The following GMEB1 variants were observed in gnomAD, a reference collection of about 807,000 sequenced individuals.
GMEB1 encodes the protein glucocorticoid modulatory element-binding protein 1.
In GMEB1, 6 loss-of-function variants were observed where a neutral mutation model predicts 52.4. The ratio of observed to expected loss-of-function variants is 0.11; its 90% CI spans 0.06 to 0.23. The LOEUF (loss-of-function observed/expected upper bound fraction) is 0.23. GMEB1 is among the 10% of genes least tolerant of loss of function. GMEB1 has a pLI of 1.00. For synonymous variants in GMEB1, 255 were observed against 244.9 expected (o/e 1.04, Z -0.38); for missense variants, 486 against 685.6 (o/e 0.71, Z 3.25).
At chr1:28,710,470 G>A in intron 8 of GMEB1, 50 bp from the exon 9 acceptor site, 1 of 1,470,128 alleles carries the variant, frequency 6.8e-7, no homozygotes, top group Non-Finnish European at 9.1e-7. Context: ...ATGGAGAGTG[G>A]TGGAACATAT....
chr1:28,696,390 TTTG>T (rs532729499), intron 5 of GMEB1, among the ~76,000 whole-genome samples: 3 of 152,090 alleles, frequency 2.0e-5, no homozygotes, highest in Non-Finnish European at 4.4e-5. Context: ...AACTTTGAGT[TTTG>T]TTGTTCTTGG....
At chr1:28,669,042 TGGG>T (rs1401276251) in intron 1 of GMEB1, among the ~76,000 whole-genome samples, 1 of 30,372 alleles carries the variant, frequency 3.3e-5, no homozygotes, top group Non-Finnish European at 6.9e-5. Context: ...CGCGGGGGGG[TGGG>T]GGGACGCTGC....
Position 28,717,189 on chromosome 1 carries a change from T to G in GMEB1, c.*2416T>G, listed in dbSNP as rs959454713. 3.3e-5 allele frequency: 5 copies of G among 151,264 alleles called. No homozygotes were observed. The highest frequency in any genetic ancestry group is 9.7e-5 in the African/African-American group (4 of 41,312). The allele number at this position is 151,264 out of a possible 1,614,324, so 9.4% of individuals were successfully genotyped here. On this transcript the variant is annotated 3_prime_UTR_variant, in exon 10 of 10. Coordinates refer to ENST00000373816, the MANE Select transcript of GMEB1 (RefSeq NM_001319674.2). ...CTGTAACATGGTAAGGTTGCTGTTT[T>G]TTTTTTTTTTTTCTTTTTGAGATGG...
intron 6 of GMEB1, among the ~76,000 whole-genome samples, 183 bp from the exon 7 acceptor site, chr1:28,702,255 C>G (rs566306834): frequency 3.0e-4 from 46 of 152,136 alleles, no homozygotes; most frequent in African/African-American, 1.1e-3. Context: ...GGCAGGTTTT[C>G]TTTAGAAAAT....
At position 28,716,193 on chromosome 1, in the gene GMEB1, T is replaced by C. The variant is rs1186480613; in HGVS notation, c.*1420T>C. On this transcript the variant is annotated 3_prime_UTR_variant, in exon 10 of 10. Transcript: ENST00000373816. The stretch of plus-strand genomic sequence containing the variant: ...CTTGTTCCACACTTTGTCAAAGCAC[T>C]CACCCTCCTAAGCTAGGACCAGTCC... 3.3e-5 allele frequency: 5 copies of C among 152,264 alleles called. No individual in the cohort carries two copies. The highest frequency in any genetic ancestry group is 1.2e-4 in the African/African-American group (5 of 41,460). 9.4% of individuals were successfully genotyped at this position (152,264 alleles called of 1,614,324 possible). A position where few individuals can be genotyped will look rare whatever the true frequency, so the allele number is the denominator to read the frequency against.
rs1442461404 is a variant in GMEB1 at position 28,687,375 on chromosome 1, C to CAAAAAAAAAAAAA, written c.129-2728_129-2727insAAAAAAAAAAAAA. On this transcript the variant is annotated intron_variant, in intron 2 of 9. Coordinates refer to ENST00000373816, the MANE Select transcript of GMEB1 (RefSeq NM_001319674.2). ...ACACACACACACACACACACACACA[C>CAAAAAAAAAAAAA]ACACACACACACAAAAAAAGACAGT... 8.3e-4 allele frequency among the ~76,000 whole-genome samples: 16 copies of CAAAAAAAAAAAAA among 19,190 alleles called. 4 individuals carry two copies. The highest frequency in any genetic ancestry group is 2.6e-3 in the African/African-American group (12 of 4,552). The allele number at this position is 19,190 out of a possible 152,430, so 12.6% of individuals were successfully genotyped here.
intron 1 of GMEB1, among the ~76,000 whole-genome samples, chr1:28,678,193 A>G (rs1294542746): frequency 6.6e-6 from 1 of 151,914 alleles, no homozygotes; most frequent in Non-Finnish European, 1.5e-5. Flanking sequence ...TCGTCTCAAA[A>G]AAAAAAAAAA....
intron 8 of GMEB1, among the ~76,000 whole-genome samples, chr1:28,707,901 T>A (rs1247075461): frequency 2.1e-5 from 3 of 141,836 alleles, no homozygotes; most frequent in Non-Finnish European, 4.6e-5. Context: ...ATACTGACAA[T>A]TTTTTTTTTT....
At chr1:28,674,145 G>A (rs534756699) in intron 1 of GMEB1, among the ~76,000 whole-genome samples, 2 of 147,694 alleles carry the variant, frequency 1.4e-5, no homozygotes, top group East Asian at 2.0e-4. Context: ...GCGAGACTCC[G>A]TCTGAAAAAA....
chr1:28,682,936 G>A (rs984822488), intron 1 of GMEB1, among the ~76,000 whole-genome samples: 47 of 152,134 alleles, frequency 3.1e-4, no homozygotes, highest in African/African-American at 1.1e-3. Context: ...GCCCAGCATC[G>A]CTGATTTCAA....
chr1:28,683,302 C>T lies in GMEB1; in HGVS notation c.-30-281C>T, dbSNP rs147337811. Among the ~76,000 whole-genome samples, 559 of 152,016 alleles carry T rather than the reference C, an allele frequency of 3.7e-3. 6 individuals are homozygous for T. Among genetic ancestry groups the T allele is most frequent in the African/African-American group, 0.011 (441 of 41,486 alleles). ...GTGCAATGGCATGATCTCGGCTCAC[C>T]GCAACCTCCACCTCCTGGCTTCAAG... On this transcript the variant is annotated intron_variant, in intron 1 of 9. Transcript: ENST00000373816.
At chr1:28,668,742 T>TGGCGGC (rs35229620), upstream of GMEB1, 2 of 152,662 alleles carry the variant, frequency 1.3e-5, no homozygotes, top group Non-Finnish European at 2.9e-5. Flanking sequence ...AAGCCCGGCC[T>TGGCGGC]GGCGGCGGCG....
At chr1:28,710,728 C>A in intron 9 of GMEB1, 86 bp downstream of exon 9, 39 of 677,824 alleles carry the variant, frequency 5.8e-5, no homozygotes, top group East Asian at 9.4e-5. Flanking sequence ...GTTGGGGTAA[C>A]TTTTTTTTTT....
Position 28,691,573 on chromosome 1 carries a change from TTC to T in GMEB1, c.212-10_212-9del, listed in dbSNP as rs762768161. On this transcript the variant is annotated splice_polypyrimidine_tract_variant and intron_variant, in intron 3 of 9. Coordinates refer to ENST00000373816, the MANE Select transcript of GMEB1 (RefSeq NM_001319674.2). ...TTGTTTGATAAATAACTGATATTTT[TTC>T]TGTTTTCAGATACAGGCACTATAGA... 1 of 1,517,902 alleles carries T rather than the reference TTC, an allele frequency of 6.6e-7. No individual in the cohort carries two copies. Among genetic ancestry groups the T allele is most frequent in the Non-Finnish European group, 8.9e-7 (1 of 1,117,548 alleles). The allele number at this position is 1,517,902 out of a possible 1,614,324, so 94.0% of individuals were successfully genotyped here. A position where few individuals can be genotyped will look rare whatever the true frequency, so the allele number is the denominator to read the frequency against.
intron 9 of GMEB1, 82 bp downstream of exon 9, chr1:28,710,724 G>C (rs1024788480): frequency 4.7e-5 from 46 of 969,338 alleles, no homozygotes; most frequent in Middle Eastern, 3.4e-4. Context: ...TTTTGTTGGG[G>C]TAACTTTTTT....
chr1:28,712,098 G>A (rs6682357), intron 9 of GMEB1, among the ~76,000 whole-genome samples: 57,337 of 151,942 alleles, frequency 0.38, 12,482 homozygotes, highest in East Asian at 0.77. Flanking sequence ...ACCTTCTTGC[G>A]TTTGATTAAT....
intron 1 of GMEB1, among the ~76,000 whole-genome samples, chr1:28,674,165 G>C (rs1669032831): frequency 6.7e-6 from 1 of 149,224 alleles, no homozygotes; most frequent in South Asian, 2.1e-4. Context: ...AAAAAAAAAA[G>C]TTAATGAAAA....
In GMEB1 at chr1:28,714,357, G is replaced by C. The variant is rs750305393; in HGVS notation, c.1276G>C (p.Val426Leu). The change falls in exon 10 of 10, where the codon GTC becomes CTC. Residue 426 changes from valine to leucine, a missense_variant. Physicochemically the swap from Val to Leu is conservative, Grantham distance 32. Around this residue, in one of 5 missense-constraint regions of GMEB1, gnomAD observed 153 missense variants for 200.8 expected, o/e 0.76. Coordinates refer to ENST00000373816, the MANE Select transcript of GMEB1 (RefSeq NM_001319674.2). ...CAGCCAGGGCTCCAGTCCTGTGACT[G>C]TCCACACACTGCCTTCTGGCCCTCA... ...TLSQGSSPVT[V>L]HTLPSGPQLF... is the part of the protein sequence containing the mutation. The C allele has an allele frequency of 6.2e-7, 1 of 1,614,204 alleles. No homozygotes were observed. The highest frequency in any genetic ancestry group is 8.5e-7 in the Non-Finnish European group (1 of 1,180,040).
chr1:28,690,037 C>T (rs1225282798), intron 2 of GMEB1, 67 bp from the exon 3 acceptor site: 1 of 991,480 alleles, frequency 1.0e-6, no homozygotes, highest in East Asian at 2.5e-5. Flanking sequence ...TTCTTAACCC[C>T]ATGCTGTGAA....
Sources: gnomAD v4.1 joint callset for allele counts (sites outside exome capture counted in the v4.1 genomes callset) on GRCh38, gnomAD v4.1.1 for gene constraint, gnomAD v4.1.1 regional missense constraint, MANE v1.5 for transcripts, NCBI Gene and HGNC (gene_info 2026-07-23, HGNC 2026-07-21) for gene names.